SETBP1: variants seen among roughly 807,000 people sequenced by gnomAD.
The protein encoded by SETBP1 is SET-binding protein.
A neutral mutation model predicts 101.0 loss-of-function variants in SETBP1; 9 were observed. The observed-to-expected ratio is 0.09, with a 90% confidence interval of 0.05 to 0.16. The LOEUF is 0.16. SETBP1 is among the 10% of genes least tolerant of loss of function. The probability of loss-of-function intolerance (pLI) is 1.00; values close to 1 mark genes in which losing one functional copy is unlikely to be tolerated. For missense variants in SETBP1, 1,858 were observed against 2,033.8 expected (o/e 0.91, Z 1.66); for synonymous variants, 818 against 788.5 (o/e 1.04, Z -0.63).
chr18:44,984,061 C>T (rs995414258), intron 4 of SETBP1, among the ~76,000 whole-genome samples: 1 of 151,990 alleles, frequency 6.6e-6, no homozygotes, highest in South Asian at 2.1e-4. Flanking sequence ...ATTAGCCGGG[C>T]GTGGTTGCAT....
chr18:44,785,279 G>A (rs2071216087), intron 2 of SETBP1, among the ~76,000 whole-genome samples: 1 of 152,106 alleles, frequency 6.6e-6, no homozygotes, highest in South Asian at 2.1e-4. Flanking sequence ...TGAAACTGTT[G>A]AGCATGTGAA....
chr18:44,794,940 G>A (rs1006703187), intron 2 of SETBP1, among the ~76,000 whole-genome samples: 7 of 152,274 alleles, frequency 4.6e-5, no homozygotes, highest in Admixed American at 1.3e-4. Flanking sequence ...TATTATAGAC[G>A]AGGCTCAGAT....
At chr18:44,938,840 CACAGA>C (rs2071020043) in intron 3 of SETBP1, among the ~76,000 whole-genome samples, 2 of 152,120 alleles carry the variant, frequency 1.3e-5, no homozygotes, top group South Asian at 2.1e-4. Flanking sequence ...GCTATCTCTG[CACAGA>C]GGGGAGAGTG....
rs1160947035 is a variant in SETBP1, at chr18:44,950,049, A to T, written c.709A>T (p.Ile237Phe). The T allele has an allele frequency of 5.0e-6, 8 of 1,614,114 alleles. No individual in the cohort carries two copies. Among genetic ancestry groups the T allele is most frequent in the Non-Finnish European group, 6.8e-6 (8 of 1,180,042 alleles). Reference sequence around the variant, plus strand: ...CGGACCCGTCACTCAGAATTGCTTCATCAGTCCAGAGTCTGGCAGAGAAAC... The same window carrying T: ...CGGACCCGTCACTCAGAATTGCTTCTTCAGTCCAGAGTCTGGCAGAGAAAC... ...DSGPVTQNCFISPESGRETAS... is the reference protein window; with the variant it reads ...DSGPVTQNCFFSPESGRETAS... Residue 237 changes from isoleucine (I) to phenylalanine (F), a missense_variant, in exon 4 of 6, where the codon ATC (isoleucine) becomes TTC (phenylalanine). Physicochemically the swap from Ile to Phe is conservative, Grantham distance 21. Around this residue, in one of 12 missense-constraint regions of SETBP1, gnomAD observed 581 missense variants for 535.1 expected, o/e 1.09. Transcript: ENST00000649279.
chr18:44,931,998 A>G (rs1325149034), intron 3 of SETBP1, among the ~76,000 whole-genome samples: 1 of 152,092 alleles, frequency 6.6e-6, no homozygotes, highest in African/African-American at 2.4e-5. Flanking sequence ...TTAGCTGCTT[A>G]TTTTGCTTGT....
intron 2 of SETBP1, among the ~76,000 whole-genome samples, chr18:44,844,259 C>G (rs1357081899): frequency 2.0e-5 from 3 of 152,046 alleles, no homozygotes; most frequent in Non-Finnish European, 4.4e-5. Flanking sequence ...AGCCCCCTTC[C>G]CCCATATAAC....
chr18:44,866,815 A>G (rs1043303310), intron 2 of SETBP1, among the ~76,000 whole-genome samples: 1 of 152,222 alleles, frequency 6.6e-6, no homozygotes, highest in Non-Finnish European at 1.5e-5. Context: ...ATAAATTCAG[A>G]TGGATAAATG....
intron 4 of SETBP1, among the ~76,000 whole-genome samples, chr18:45,034,651 T>C (rs756578303): frequency 6.6e-6 from 1 of 152,202 alleles, no homozygotes; most frequent in Non-Finnish European, 1.5e-5. Context: ...AGATGTTGGA[T>C]CCACAAAGTT....
intron 5 of SETBP1, among the ~76,000 whole-genome samples, chr18:45,049,890 T>C (rs2073693893): frequency 6.6e-6 from 1 of 152,152 alleles, no homozygotes; most frequent in South Asian, 2.1e-4. Context: ...AGTATAAAAT[T>C]AATGAGGAAA....
chr18:45,029,566 G>T (rs958640881), intron 4 of SETBP1, among the ~76,000 whole-genome samples: 11 of 152,306 alleles, frequency 7.2e-5, no homozygotes, highest in Admixed American at 2.0e-4. Context: ...TTGGTAGCTT[G>T]ATGGGGATGG....
At chr18:44,906,226 G>A (rs1337401683) in intron 3 of SETBP1, among the ~76,000 whole-genome samples, 1 of 152,168 alleles carries the variant, frequency 6.6e-6, no homozygotes, top group East Asian at 1.9e-4. Flanking sequence ...GTGATTAAGA[G>A]GAGCCTGAAA....
chr18:44,743,813 A>G (rs1218463530), intron 2 of SETBP1, among the ~76,000 whole-genome samples: 1 of 152,058 alleles, frequency 6.6e-6, no homozygotes, highest in Non-Finnish European at 1.5e-5. Context: ...CCCTGCTGCC[A>G]TTGTCTGCTC....
intron 2 of SETBP1, among the ~76,000 whole-genome samples, chr18:44,823,580 G>A (rs568487923): frequency 3.3e-5 from 5 of 152,290 alleles, no homozygotes; most frequent in South Asian, 2.1e-4. Flanking sequence ...CCCACATACC[G>A]GGAGAAAAAT....
chr18:44,791,365 T>C (rs1310839422), intron 2 of SETBP1, among the ~76,000 whole-genome samples: 2 of 152,144 alleles, frequency 1.3e-5, no homozygotes, highest in Admixed American at 6.6e-5. Flanking sequence ...AGAAGGACTT[T>C]TTGCAGGAAA....
At chr18:44,834,392 C>T (rs191833640) in intron 2 of SETBP1, among the ~76,000 whole-genome samples, 60 of 152,202 alleles carry the variant, frequency 3.9e-4, no homozygotes, top group African/African-American at 1.3e-3. Context: ...TTGCTAAGTA[C>T]GTATGAACTA....
At chr18:44,980,039 C>T (rs1251605265) in intron 4 of SETBP1, among the ~76,000 whole-genome samples, 1 of 152,192 alleles carries the variant, frequency 6.6e-6, no homozygotes, top group Non-Finnish European at 1.5e-5. Flanking sequence ...GTGGTTAGAG[C>T]AGTGACCACG....
intron 1 of SETBP1, among the ~76,000 whole-genome samples, chr18:44,694,371 C>G (rs2068981269): frequency 1.3e-5 from 2 of 152,114 alleles, no homozygotes; most frequent in Admixed American, 6.5e-5. Context: ...GCCACCACGC[C>G]CGACTAATTT....
In SETBP1 at chr18:44,802,876, C is replaced by T. The variant is rs552355250; in HGVS notation, c.487-66354C>T. The stretch of plus-strand genomic sequence containing the variant: ...CGGTAACCTGCCAGTCCTCCAAGAA[C>T]CAAGCTTTTTGTTTGTTTTTTGTTT... On this transcript the variant is annotated intron_variant, in intron 2 of 5. Coordinates refer to ENST00000649279, the MANE Select transcript of SETBP1 (RefSeq NM_015559.3). Among the ~76,000 whole-genome samples the T allele has an allele frequency of 3.3e-5, 5 of 152,248 alleles. No individual in the cohort carries two copies. The South Asian group carries it at 1.0e-3, about 32-fold the overall frequency.
intron 2 of SETBP1, among the ~76,000 whole-genome samples, chr18:44,835,230 C>T (rs949090554): frequency 6.6e-6 from 1 of 152,132 alleles, no homozygotes; most frequent in African/African-American, 2.4e-5. Context: ...TGGGGCCACT[C>T]CCCTCCAAGG....
Sources: gnomAD v4.1 joint callset for allele counts (sites outside exome capture counted in the v4.1 genomes callset) on GRCh38, gnomAD v4.1.1 for gene constraint, gnomAD v4.1.1 regional missense constraint, MANE v1.5 for transcripts, NCBI Gene and HGNC (gene_info 2026-07-23, HGNC 2026-07-21) for gene names.